The following ITPR1 variants were observed in gnomAD, a reference collection of about 807,000 sequenced individuals.
ITPR1 encodes inositol 1,4,5-trisphosphate-gated calcium channel ITPR1.
A neutral mutation model predicts 318.4 loss-of-function variants in ITPR1; 96 were observed. That is an observed-to-expected ratio of 0.30 (90% confidence interval 0.26 to 0.36). The LOEUF (loss-of-function observed/expected upper bound fraction) is 0.36. ITPR1 is among the 10% of genes least tolerant of loss of function. ITPR1 has a pLI of 1.00. For synonymous variants in ITPR1, 1,312 were observed against 1,289.9 expected (o/e 1.02, Z -0.37); for missense variants, 2,440 against 3,460.2 (o/e 0.71, Z 7.40).
intron 4 of ITPR1, among the ~76,000 whole-genome samples, chr3:4,540,524 T>A (rs1168294601): frequency 2.0e-5 from 3 of 152,234 alleles, no homozygotes; most frequent in East Asian, 1.9e-4. Flanking sequence ...TGGGGTTTTT[T>A]AAATCTTTTT....
rs1022519087 is a variant in ITPR1 at position 4,544,423 on chromosome 3, C to G, written c.163+23329C>G. On this transcript the variant is annotated intron_variant, in intron 4 of 61. Coordinates refer to ENST00000649015, the MANE Select transcript of ITPR1 (RefSeq NM_001378452.1). ...TCTCAAATGGATGCAAGCAACCATA[C>G]GTATTCACCTGATGCCAGTATTCAC... Among the ~76,000 whole-genome samples, 3 of 152,292 alleles carry G rather than the reference C, an allele frequency of 2.0e-5. No individual in the cohort carries two copies. In the East Asian group the frequency reaches 5.8e-4, roughly 29 times the overall value.
intron 4 of ITPR1, among the ~76,000 whole-genome samples, chr3:4,571,181 G>T (rs575244930): frequency 1.4e-4 from 22 of 152,280 alleles, no homozygotes; most frequent in African/African-American, 5.3e-4. Context: ...CCCACCTATG[G>T]TAAATTGGCA....
chr3:4,509,699 A>G (rs1056842884), intron 2 of ITPR1, among the ~76,000 whole-genome samples: 12 of 152,164 alleles, frequency 7.9e-5, no homozygotes, highest in Non-Finnish European at 1.8e-4. Flanking sequence ...CAGGAGGCTG[A>G]GGTGGGAGGA....
chr3:4,799,745 G>A (rs184000205), intron 53 of ITPR1: 4 of 152,290 alleles, frequency 2.6e-5, no homozygotes, highest in African/African-American at 9.6e-5. Context: ...ACTTGCAGTA[G>A]CAAGAGATGA....
intron 55 of ITPR1, among the ~76,000 whole-genome samples, chr3:4,807,468 A>G (rs2048653912): frequency 6.6e-6 from 1 of 152,188 alleles, no homozygotes. Flanking sequence ...AGAACAGTGT[A>G]TCTCCCTCAC....
At chr3:4,681,867 C>G (rs765419746) in intron 26 of ITPR1, among the ~76,000 whole-genome samples, 20 of 151,886 alleles carry the variant, frequency 1.3e-4, no homozygotes, top group Non-Finnish European at 2.5e-4. Context: ...ACAAAGAAAG[C>G]AAAATCTGGT....
At chr3:4,559,065 C>G (rs1357713270) in intron 4 of ITPR1, among the ~76,000 whole-genome samples, 1 of 152,098 alleles carries the variant, frequency 6.6e-6, no homozygotes, top group Non-Finnish European at 1.5e-5. Flanking sequence ...GCTATGTTGC[C>G]TAGGCTGGTC....
intron 2 of ITPR1, among the ~76,000 whole-genome samples, chr3:4,503,086 A>G (rs1436268629): frequency 6.6e-6 from 1 of 152,166 alleles, no homozygotes; most frequent in Non-Finnish European, 1.5e-5. Flanking sequence ...CTCCATCTCA[A>G]TAAAAAGAAA....
intron 39 of ITPR1, 131 bp downstream of exon 39, chr3:4,711,999 A>AAAGG: frequency 1.9e-6 from 1 of 528,110 alleles, no homozygotes; most frequent in Middle Eastern, 2.8e-4. Flanking sequence ...AGAAAGAAAG[A>AAAGG]AAGAAAAAGC....
chr3:4,651,564 A>G (rs1055966845), intron 10 of ITPR1, among the ~76,000 whole-genome samples: 1 of 152,176 alleles, frequency 6.6e-6, no homozygotes, highest in Non-Finnish European at 1.5e-5. Flanking sequence ...GGGATATTTT[A>G]TCCAGTTTTC....
At chr3:4,677,295 A>G (rs927938900) in intron 24 of ITPR1, among the ~76,000 whole-genome samples, 1 of 152,210 alleles carries the variant, frequency 6.6e-6, no homozygotes, top group African/African-American at 2.4e-5. Context: ...CTTCTCTAGA[A>G]TTTACATTTT....
chr3:4,817,974 G>C (rs2049418970), intron 59 of ITPR1, 108 bp from the exon 60 acceptor site: 1 of 823,092 alleles, frequency 1.2e-6, no homozygotes, highest in South Asian at 2.4e-5. Flanking sequence ...TCTTTATAAA[G>C]ACAGGAGTGA....
At chr3:4,742,492 G>A (rs768791215) in intron 44 of ITPR1, among the ~76,000 whole-genome samples, 28 of 152,160 alleles carry the variant, frequency 1.8e-4, no homozygotes, top group Non-Finnish European at 3.5e-4. Flanking sequence ...TTCCTGACTT[G>A]GAGAATAGGA....
chr3:4,535,687 C>T (rs1197361254), intron 4 of ITPR1, among the ~76,000 whole-genome samples: 1 of 151,846 alleles, frequency 6.6e-6, no homozygotes, highest in East Asian at 1.9e-4. Flanking sequence ...CCTTGTGATC[C>T]ACCCGCCTCG....
intron 35 of ITPR1, among the ~76,000 whole-genome samples, chr3:4,701,524 G>C (rs1310845108): frequency 6.6e-6 from 1 of 152,110 alleles, no homozygotes; most frequent in Non-Finnish European, 1.5e-5. Context: ...TACTATCTTG[G>C]GTGGCTGCAG....
intron 51 of ITPR1, 25 bp downstream of exon 51, chr3:4,783,945 A>G (rs1220978370): frequency 6.5e-7 from 1 of 1,535,490 alleles, no homozygotes; most frequent in South Asian, 1.2e-5. Flanking sequence ...AACTCAGGGC[A>G]TGGGGTTGTG....
chr3:4,546,703 G>A (rs2085042946), intron 4 of ITPR1, among the ~76,000 whole-genome samples: 1 of 151,496 alleles, frequency 6.6e-6, no homozygotes, highest in South Asian at 2.1e-4. Flanking sequence ...AATGGCAGAG[G>A]TGTAGGGTGA....
chr3:4,699,361 C>A (rs73807131), intron 34 of ITPR1, among the ~76,000 whole-genome samples: 7,034 of 65,502 alleles, frequency 0.11, 568 homozygotes, highest in African/African-American at 0.2. Context: ...TATCTCAAAA[C>A]AAAAAAAGGA....
chr3:4,659,284 A>C (rs942624345), intron 13 of ITPR1, among the ~76,000 whole-genome samples: 1 of 152,258 alleles, frequency 6.6e-6, no homozygotes, highest in African/African-American at 2.4e-5. Context: ...TGTGTCATTT[A>C]TTATAGATGG....
Sources: gnomAD v4.1 joint callset for allele counts (sites outside exome capture counted in the v4.1 genomes callset) on GRCh38, gnomAD v4.1.1 for gene constraint, MANE v1.5 for transcripts, NCBI Gene and HGNC (gene_info 2026-07-23, HGNC 2026-07-21) for gene names.